The following SDK1 variants were observed in gnomAD, a reference collection of about 807,000 sequenced individuals.
The protein encoded by SDK1 is sidekick cell adhesion molecule 1, also known as protein sidekick-1.
SDK1 carries 157 observed loss-of-function variants against 245.5 expected under a neutral mutation model. The observed-to-expected ratio is 0.64, with a 90% confidence interval of 0.56 to 0.73. The LOEUF (loss-of-function observed/expected upper bound fraction) is 0.73, where lower values mean the gene tolerates loss of function less well. SDK1 is among the 30% of genes least tolerant of loss of function. The pLI, the probability that SDK1 is intolerant of heterozygous loss-of-function variation, is 0.00. For missense variants in SDK1, 3,583 were observed against 3,002.3 expected, an observed-to-expected ratio of 1.19 and a Z score of -4.52; for synonymous variants, 1,647 against 1,278.5, an observed-to-expected ratio of 1.29 and a Z score of -6.15.
intron 4 of SDK1, among the ~76,000 whole-genome samples, chr7:3,684,000 C>T (rs1363956730): frequency 6.6e-6 from 1 of 152,152 alleles, no homozygotes. Context: ...TTTCAGCGGG[C>T]AGAATGAAAG....
At chr7:3,881,983 GAA>G (rs1256921572) in intron 5 of SDK1, among the ~76,000 whole-genome samples, 3 of 152,060 alleles carry the variant, frequency 2.0e-5, no homozygotes, top group Non-Finnish European at 4.4e-5. Context: ...AATTTATAAA[GAA>G]AAAGAGGTTT....
At chr7:3,699,190 G>A (rs1784669568) in intron 4 of SDK1, among the ~76,000 whole-genome samples, 1 of 152,170 alleles carries the variant, frequency 6.6e-6, no homozygotes. Context: ...CTCATAACAT[G>A]ATATCCCCTA....
At chr7:4,080,917 A>G (rs1261773209) in intron 22 of SDK1, among the ~76,000 whole-genome samples, 2 of 152,238 alleles carry the variant, frequency 1.3e-5, no homozygotes, top group Admixed American at 6.5e-5. Context: ...AATGAAGACT[A>G]AATTGATGAA....
intron 1 of SDK1, among the ~76,000 whole-genome samples, chr7:3,487,754 C>CAAAAAAAA (rs764105126): frequency 7.9e-4 from 51 of 64,870 alleles, no homozygotes; most frequent in Non-Finnish European, 8.9e-4. Flanking sequence ...GACCCCATCT[C>CAAAAAAAA]AAAAAAAAAA....
At chr7:3,918,790 G>A (rs924569672) in intron 5 of SDK1, among the ~76,000 whole-genome samples, 2 of 151,996 alleles carry the variant, frequency 1.3e-5, no homozygotes, top group Admixed American at 6.5e-5. Context: ...CTGGACCGGC[G>A]GTTCTACCGA....
chr7:3,633,810 C>G (rs1011091357), intron 2 of SDK1, among the ~76,000 whole-genome samples: 2 of 152,038 alleles, frequency 1.3e-5, no homozygotes, highest in Non-Finnish European at 2.9e-5. Flanking sequence ...TTGGGGTGCC[C>G]TTAGAATCAG....
At chr7:4,166,109 T>C (rs1781483010) in intron 32 of SDK1, among the ~76,000 whole-genome samples, 1 of 152,196 alleles carries the variant, frequency 6.6e-6, no homozygotes, top group Non-Finnish European at 1.5e-5. Flanking sequence ...TTGAGACTGT[T>C]TTCTAGCAAA....
At chr7:3,752,899 G>A (rs912499716) in intron 4 of SDK1, among the ~76,000 whole-genome samples, 3 of 152,132 alleles carry the variant, frequency 2.0e-5, no homozygotes, top group African/African-American at 7.2e-5. Flanking sequence ...TGTAATAAAT[G>A]TATAATAAGT....
chr7:4,072,054 G>C (rs1780288956), intron 20 of SDK1, among the ~76,000 whole-genome samples: 1 of 152,240 alleles, frequency 6.6e-6, no homozygotes, highest in African/African-American at 2.4e-5. Flanking sequence ...AGCAGTGGTT[G>C]CCAATACTTC....
At chr7:3,349,141 T>A (rs1780588198) in intron 1 of SDK1, among the ~76,000 whole-genome samples, 1 of 151,966 alleles carries the variant, frequency 6.6e-6, no homozygotes, top group African/African-American at 2.4e-5. Context: ...TTCTGCTGCC[T>A]CCTTCCTCAG....
intron 1 of SDK1, among the ~76,000 whole-genome samples, chr7:3,487,667 A>G (rs1407526205): frequency 2.1e-5 from 3 of 145,370 alleles, no homozygotes; most frequent in Non-Finnish European, 4.5e-5. Flanking sequence ...AGGTGGGAGG[A>G]TCAGTTGATC....
At chr7:3,532,573 C>A (rs1262716988) in intron 1 of SDK1, among the ~76,000 whole-genome samples, 1 of 152,164 alleles carries the variant, frequency 6.6e-6, no homozygotes, top group Non-Finnish European at 1.5e-5. Flanking sequence ...AGACCCAAGT[C>A]TTCTGTCTGC....
chr7:4,214,445 T>A (rs1368362574), intron 38 of SDK1, among the ~76,000 whole-genome samples: 4 of 152,202 alleles, frequency 2.6e-5, no homozygotes, highest in Non-Finnish European at 5.9e-5. Flanking sequence ...TTTTGTCTGT[T>A]GCGAAGGGCT....
chr7:4,087,723 A>G (rs1781514886), intron 22 of SDK1, among the ~76,000 whole-genome samples: 1 of 152,188 alleles, frequency 6.6e-6, no homozygotes, highest in Non-Finnish European at 1.5e-5. Context: ...CTGTAATGTG[A>G]AGAATACGGG....
intron 1 of SDK1, among the ~76,000 whole-genome samples, chr7:3,304,943 G>T (rs989192916): frequency 6.6e-6 from 1 of 152,146 alleles, no homozygotes; most frequent in South Asian, 2.1e-4. Flanking sequence ...CCCTCCAGGT[G>T]ATTCTCATGT....
intron 4 of SDK1, among the ~76,000 whole-genome samples, chr7:3,694,582 G>GT (rs1456999250): frequency 6.6e-6 from 1 of 151,494 alleles, no homozygotes; most frequent in Non-Finnish European, 1.5e-5. Context: ...GTTGGTGGGG[G>GT]GGGAAAAGCA....
intron 1 of SDK1, among the ~76,000 whole-genome samples, chr7:3,359,896 G>C (rs1780907004): frequency 6.6e-6 from 1 of 152,158 alleles, no homozygotes; most frequent in East Asian, 1.9e-4. Flanking sequence ...AATGTAGAAG[G>C]CTCTGTTTGG....
At chr7:3,402,913 G>A (rs1332686124) in intron 1 of SDK1, among the ~76,000 whole-genome samples, 1 of 151,906 alleles carries the variant, frequency 6.6e-6, no homozygotes, top group Non-Finnish European at 1.5e-5. Context: ...GGCTTATTAT[G>A]AATTAGATGA....
chr7:3,678,952 G>T lies in SDK1; in HGVS notation c.713+36847G>T, dbSNP rs375929523. Among the ~76,000 whole-genome samples, 11 of 152,102 alleles carry T rather than the reference G, an allele frequency of 7.2e-5. No homozygotes were observed. In the South Asian group the frequency reaches 8.3e-4, roughly 11 times the overall value. On this transcript the variant is annotated intron_variant, in intron 4 of 44. Coordinates refer to ENST00000404826, the MANE Select transcript of SDK1 (RefSeq NM_152744.4). ...CTTAAATGAACAACAACAACAAAAT[G>T]ACAAAACATACGAGAGATTTAAATG...
Sources: gnomAD v4.1 joint callset for allele counts (sites outside exome capture counted in the v4.1 genomes callset) on GRCh38, gnomAD v4.1.1 for gene constraint, MANE v1.5 for transcripts, NCBI Gene and HGNC (gene_info 2026-07-23, HGNC 2026-07-21) for gene names.